Variants in MED16 observed in about 807,000 individuals in gnomAD.
MED16 encodes mediator complex subunit 16.
Under a neutral mutation model 84.4 loss-of-function variants are expected in MED16, and 81 were observed. The ratio of observed to expected loss-of-function variants is 0.96; its 90% CI spans 0.80 to 1.15. The LOEUF (loss-of-function observed/expected upper bound fraction) is 1.15, where lower values mean the gene tolerates loss of function less well. MED16 is among the 50% of genes most tolerant of loss of function. The pLI is 0.00. For synonymous variants in MED16, 897 were observed against 552.2 expected, an observed-to-expected ratio of 1.62 and a Z score of -8.76; for missense variants, 1,585 against 1,245.9, an observed-to-expected ratio of 1.27 and a Z score of -4.10.
Position 885,863 on chromosome 19 carries a change from G to T in MED16, c.786C>A (p.Ser262=). 1 of 1,613,796 alleles carries T rather than the reference G, an allele frequency of 6.2e-7. No homozygotes were observed. The highest frequency in any genetic ancestry group is 8.5e-7 in the Non-Finnish European group (1 of 1,179,970). The part of the protein sequence containing the change: ...KCRIDTEILP[S]LFMRCTTDLN... The stretch of plus-strand genomic sequence containing the variant: ...GGTCGGTGGTGCAGCGCATGAACAG[G>T]GAGGGCAGGATCTCCGTGTCGATAC... Residue 262 remains serine, a synonymous_variant, in exon 5 of 16, where the codon TCC becomes TCA. Transcript: ENST00000325464.
chr19:876,882 C>A (rs111469573), intron 9 of MED16, 92 bp downstream of exon 9: 194,842 of 1,294,256 alleles, frequency 0.15, 17,929 homozygotes, highest in Middle Eastern at 0.18. Flanking sequence ...CCACGGGGCC[C>A]CCACCTGCCA....
intron 7 of MED16, among the ~76,000 whole-genome samples, chr19:881,079 C>A (rs375452369): frequency 3.3e-5 from 5 of 151,674 alleles, no homozygotes; most frequent in East Asian, 1.9e-4. Flanking sequence ...TCCAGGGAAC[C>A]AGGGAAGAAC....
intron 10 of MED16, 92 bp from the exon 11 acceptor site, chr19:873,674 GC>G: frequency 6.9e-7 from 1 of 1,454,480 alleles, no homozygotes; most frequent in Non-Finnish European, 9.4e-7. Flanking sequence ...TGCACTGAGT[GC>G]CCACCCAGTA....
At chr19:882,091 C>G (rs1464175425) in intron 6 of MED16, among the ~76,000 whole-genome samples, 1 of 152,248 alleles carries the variant, frequency 6.6e-6, no homozygotes, top group Non-Finnish European at 1.5e-5. Context: ...TCCTCATCTA[C>G]AATTCCAATA....
At chr19:883,330 G>T (rs1026907864) in intron 6 of MED16, among the ~76,000 whole-genome samples, 2 of 147,118 alleles carry the variant, frequency 1.4e-5, no homozygotes, top group Non-Finnish European at 3.0e-5. Flanking sequence ...GTGAAGAGCT[G>T]GGCATGGCGG....
Position 867,999 on chromosome 19 carries a change from A to T in MED16, c.*102T>A. The T allele has an allele frequency of 7.0e-7, 1 of 1,436,766 alleles. No individual in the cohort carries two copies. Among genetic ancestry groups the T allele is most frequent in the Non-Finnish European group, 9.3e-7 (1 of 1,080,144 alleles). 89.0% of individuals were successfully genotyped at this position (1,436,766 alleles called of 1,614,324 possible). A position where few individuals can be genotyped will look rare whatever the true frequency, so the allele number is the denominator to read the frequency against. On this transcript the variant is annotated 3_prime_UTR_variant, in exon 16 of 16. Coordinates refer to ENST00000325464, the MANE Select transcript of MED16 (RefSeq NM_005481.3). ...GGCGTTTATTGGACCTGTCCTTCCCAGCCGCTGCTTGTCCAGGTTCAGCGC... is the reference window on the plus strand; with the variant it reads ...GGCGTTTATTGGACCTGTCCTTCCCTGCCGCTGCTTGTCCAGGTTCAGCGC...
At chr19:893,012 C>T (rs976791320) in intron 1 of MED16, 74 bp downstream of exon 1, 2 of 152,822 alleles carry the variant, frequency 1.3e-5, no homozygotes, top group African/African-American at 4.8e-5. Context: ...ACGGCTGCGC[C>T]GCGTTCCCTC....
chr19:869,107 C>T (rs1417433136), intron 13 of MED16, among the ~76,000 whole-genome samples, 161 bp from the exon 14 acceptor site: 1 of 152,072 alleles, frequency 6.6e-6, no homozygotes, highest in East Asian at 1.9e-4. Context: ...AGGTGCGGGA[C>T]CACCTGAGAC....
chr19:882,653 A>G (rs1162184844), intron 6 of MED16, among the ~76,000 whole-genome samples: 1 of 152,220 alleles, frequency 6.6e-6, no homozygotes, highest in East Asian at 1.9e-4. Context: ...AGGCCACGCC[A>G]CCTCGGCTGC....
At chr19:891,603 G>A (rs1458280968) in intron 1 of MED16, among the ~76,000 whole-genome samples, 2 of 151,640 alleles carry the variant, frequency 1.3e-5, no homozygotes, top group Non-Finnish European at 2.9e-5. Flanking sequence ...GAGTGACAGG[G>A]AACACCTGTG....
chr19:871,995 T>A lies in MED16; in HGVS notation c.2029A>T (p.Thr677Ser). Residue 677 changes from threonine (T) to serine (S), a missense_variant, in exon 12 of 16, where the codon ACG becomes TCG. Coordinates refer to ENST00000325464, the MANE Select transcript of MED16 (RefSeq NM_005481.3). ...CTGTCCTGGGTATCCGAGGTGGCCGTATACACGGGCAGGCAGCTGGGCTTC... is the reference window on the plus strand; with the variant it reads ...CTGTCCTGGGTATCCGAGGTGGCCGAATACACGGGCAGGCAGCTGGGCTTC... ...LLKPSCLPVY[T>S]ATSDTQDSMS... 1 of 1,607,226 alleles carries A rather than the reference T, an allele frequency of 6.2e-7. No homozygotes were observed. The highest frequency in any genetic ancestry group is 8.5e-7 in the Non-Finnish European group (1 of 1,177,732).
chr19:872,191 C>T lies in MED16; in HGVS notation c.1906-73G>A, dbSNP rs939490689. 29 of 1,340,450 alleles carry T rather than the reference C, an allele frequency of 2.2e-5. 1 individual carries two copies. In the African/African-American group the frequency reaches 4.0e-4, roughly 18 times the overall value. The allele number at this position is 1,340,450 out of a possible 1,614,324, so 83.0% of individuals were successfully genotyped here. On this transcript the variant is annotated intron_variant, in intron 11 of 15. Transcript: ENST00000325464. ...GCGATGGGATGAAGTGTCTTGGGGT[C>T]GGTGGAACCCCGACCGGGGGGCAAT...
At chr19:871,633 C>T in intron 12 of MED16, 2 of 1,595,082 alleles carry the variant, frequency 1.3e-6, no homozygotes, top group Non-Finnish European at 1.7e-6. Context: ...CCCAAAAGCA[C>T]CCACACAGAG....
chr19:877,512 T>C (rs2036278434), intron 8 of MED16, among the ~76,000 whole-genome samples: 1 of 135,992 alleles, frequency 7.4e-6, no homozygotes, highest in African/African-American at 3.1e-5. Flanking sequence ...TAATACGTGC[T>C]GTGAGCCACC....
chr19:868,644 G>A lies in MED16; in HGVS notation c.2400-145C>T, dbSNP rs1366243583. 13 of 1,220,190 alleles carry A rather than the reference G, an allele frequency of 1.1e-5. No homozygotes were observed. In the East Asian group the frequency reaches 1.3e-4, roughly 12 times the overall value. 75.6% of individuals were successfully genotyped at this position (1,220,190 alleles called of 1,614,324 possible). A position where few individuals can be genotyped will look rare whatever the true frequency, so the allele number is the denominator to read the frequency against. On this transcript the variant is annotated intron_variant, in intron 14 of 15. Coordinates refer to ENST00000325464, the MANE Select transcript of MED16 (RefSeq NM_005481.3). The stretch of plus-strand genomic sequence containing the variant: ...CGTCCCCACCTGCCACAGGGCCTCT[G>A]CCCATGCTTCTCCTCCCCCCAGCAA...
chr19:884,734 C>T (rs993305763), intron 6 of MED16, among the ~76,000 whole-genome samples, 169 bp downstream of exon 6: 2 of 152,204 alleles, frequency 1.3e-5, no homozygotes, highest in African/African-American at 2.4e-5. Flanking sequence ...TGCTGGCAGG[C>T]GCGCGGTCAC....
chr19:890,222 G>A lies in MED16; in HGVS notation c.192C>T (p.Ile64=). 1.9e-6 allele frequency: 3 copies of A among 1,553,430 alleles called. No homozygotes were observed. The highest frequency in any genetic ancestry group is 1.2e-5 in the South Asian group (1 of 84,114). The change falls in exon 3 of 16, where the codon ATC becomes ATT. Residue 64 remains isoleucine (I), a synonymous_variant. Transcript: ENST00000325464. ...DDQDLTRMIH[I]LDTEHPWDLH... ...GGTCCCAGGGGTGCTCCGTGTCCAG[G>A]ATGTGGATCATGCGGGTCAGGTCTG...
At chr19:889,561 G>A in intron 4 of MED16, 77 bp downstream of exon 4, 6 of 1,515,724 alleles carry the variant, frequency 4.0e-6, no homozygotes, top group Non-Finnish European at 8.9e-7. Flanking sequence ...TGGTGATGGA[G>A]AGGAGAGGGG....
rs780076530 is a variant in MED16, at chr19:880,039, C to T, written c.1251G>A (p.Pro417=). 1.1e-5 allele frequency: 18 copies of T among 1,610,812 alleles called. No individual in the cohort carries two copies. The highest frequency in any genetic ancestry group is 3.3e-5 in the South Asian group (3 of 90,860). The change falls in exon 8 of 16, where the codon CCG becomes CCA. Residue 417 remains proline, a synonymous_variant. Transcript: ENST00000325464. The part of the protein sequence containing the change: ...SSAAPRPVDE[P]AMKRPRTAGP... ...CCGCGGTGCGGGGGCGCTTCATGGC[C>T]GGCTCATCCACAGGCCTCGGGGCCG...
Sources: allele counts gnomAD v4.1 joint callset (sites outside exome capture counted in the v4.1 genomes callset), GRCh38; gene constraint gnomAD v4.1.1; transcripts MANE v1.5; gene names NCBI Gene and HGNC (gene_info 2026-07-23, HGNC 2026-07-21).